The following SNTG2 variants were observed in gnomAD, a reference collection of about 807,000 sequenced individuals.
SNTG2 encodes the protein syntrophin gamma 2, also known as gamma-2-syntrophin.
In SNTG2, 74 loss-of-function variants were observed where a neutral mutation model predicts 70.9. The observed-to-expected ratio is 1.04, with a 90% confidence interval of 0.86 to 1.27. The LOEUF (loss-of-function observed/expected upper bound fraction) is 1.27, where lower values mean the gene tolerates loss of function less well. SNTG2 is among the 50% of genes most tolerant of loss of function. The pLI is 0.00. For synonymous variants in SNTG2, 278 were observed against 273.8 expected (o/e 1.02, Z -0.15); for missense variants, 717 against 690.7 (o/e 1.04, Z -0.43).
intron 1 of SNTG2, among the ~76,000 whole-genome samples, chr2:1,057,864 C>T (rs1244582385): frequency 6.6e-6 from 1 of 151,874 alleles, no homozygotes; most frequent in Non-Finnish European, 1.5e-5. Context: ...ATGGTGAGAC[C>T]CCATCTCTAC....
Position 1,247,530 on chromosome 2 carries a change from G to A in SNTG2, c.1005+87G>A, listed in dbSNP as rs1677505957. Reference sequence around the variant, plus strand: ...GGGAAAGCTACATCTGGTGTTTGGAGGAGGACAGACAGAGTGCTTGGTCCT... The same window carrying A: ...GGGAAAGCTACATCTGGTGTTTGGAAGAGGACAGACAGAGTGCTTGGTCCT... On this transcript the variant is annotated intron_variant, in intron 12 of 16. Coordinates refer to ENST00000308624, the MANE Select transcript of SNTG2 (RefSeq NM_018968.4). The A allele has an allele frequency of 3.2e-6, 3 of 931,582 alleles. No homozygotes were observed. The East Asian group carries it at 7.5e-5, about 23-fold the overall frequency. 57.7% of individuals were successfully genotyped at this position (931,582 alleles called of 1,614,324 possible).
intron 6 of SNTG2, among the ~76,000 whole-genome samples, chr2:1,164,861 G>A (rs1366999060): frequency 6.6e-6 from 1 of 152,238 alleles, no homozygotes; most frequent in African/African-American, 2.4e-5. Context: ...CAGCAGAGGA[G>A]GGTTATGCAT....
At chr2:1,224,243 A>G (rs933665248) in intron 9 of SNTG2, among the ~76,000 whole-genome samples, 1 of 152,172 alleles carries the variant, frequency 6.6e-6, no homozygotes, top group Non-Finnish European at 1.5e-5. Flanking sequence ...TCCACTGGGA[A>G]TTTGACCCCA....
chr2:956,573 C>G (rs1276682434), intron 1 of SNTG2, among the ~76,000 whole-genome samples: 1 of 152,244 alleles, frequency 6.6e-6, no homozygotes, highest in East Asian at 1.9e-4. Flanking sequence ...AGGACCCGCT[C>G]CCCCAGGGCC....
intron 12 of SNTG2, among the ~76,000 whole-genome samples, chr2:1,250,268 A>G (rs1485654222): frequency 6.6e-6 from 1 of 152,180 alleles, no homozygotes; most frequent in Non-Finnish European, 1.5e-5. Context: ...CATTTAAACT[A>G]TTTGAAAACA....
intron 15 of SNTG2, among the ~76,000 whole-genome samples, chr2:1,315,958 C>T (rs926584668): frequency 2.0e-5 from 3 of 152,084 alleles, no homozygotes; most frequent in Non-Finnish European, 4.4e-5. Flanking sequence ...CAAGGGAAGA[C>T]CAGAGGGGTC....
chr2:1,225,260 G>A lies in SNTG2; in HGVS notation c.720-12628G>A, dbSNP rs567957452. Among the ~76,000 whole-genome samples, 6 of 152,270 alleles carry A rather than the reference G, an allele frequency of 3.9e-5. No homozygotes were observed. In the South Asian group the frequency reaches 1.0e-3, roughly 26 times the overall value. ...TGCAGCATATAAAGTAATTTACACG[G>A]TGTTTATTACAAGGTGTGCAAGAAT... On this transcript the variant is annotated intron_variant, in intron 9 of 16. Transcript: ENST00000308624.
intron 1 of SNTG2, among the ~76,000 whole-genome samples, chr2:1,005,915 T>G (rs1247528877): frequency 2.4e-5 from 3 of 127,072 alleles, no homozygotes; most frequent in African/African-American, 8.9e-5. Flanking sequence ...TTTATATTAT[T>G]TAAACATTGG....
intron 9 of SNTG2, among the ~76,000 whole-genome samples, chr2:1,221,393 GTCTCTGTC>G (rs1674791662): frequency 2.1e-4 from 3 of 14,320 alleles, no homozygotes; most frequent in Non-Finnish European, 1.9e-4. Context: ...CCCTCCCTCT[GTCTCTGTC>G]CCTCTCAGTC....
At chr2:954,182 A>G (rs73908614) in intron 1 of SNTG2, among the ~76,000 whole-genome samples, 5,976 of 152,190 alleles carry the variant, frequency 0.039, 386 homozygotes, top group African/African-American at 0.14. Flanking sequence ...CATGGGGCGG[A>G]CACAGGCAGG....
intron 4 of SNTG2, among the ~76,000 whole-genome samples, chr2:1,124,072 G>T (rs1380914841): frequency 6.6e-6 from 1 of 152,064 alleles, no homozygotes; most frequent in Non-Finnish European, 1.5e-5. Flanking sequence ...GGCAAAGATA[G>T]CTTTTTAATA....
intron 4 of SNTG2, among the ~76,000 whole-genome samples, chr2:1,119,518 A>G (rs565462208): frequency 1.2e-4 from 18 of 152,208 alleles, no homozygotes; most frequent in African/African-American, 3.6e-4. Context: ...CGTGACATCA[A>G]GAACATAAAC....
At chr2:1,208,826 T>C (rs1232594976) in intron 8 of SNTG2, among the ~76,000 whole-genome samples, 1 of 152,182 alleles carries the variant, frequency 6.6e-6, no homozygotes, top group Non-Finnish European at 1.5e-5. Flanking sequence ...GTCTACAACT[T>C]TCCCTCCAGA....
chr2:1,312,098 G>A (rs1445731072), intron 15 of SNTG2, among the ~76,000 whole-genome samples: 7 of 152,012 alleles, frequency 4.6e-5, no homozygotes, highest in Non-Finnish European at 2.9e-5. Flanking sequence ...TTTCAATGTT[G>A]AGAAAGGAGG....
intron 6 of SNTG2, among the ~76,000 whole-genome samples, chr2:1,143,016 T>C (rs1240301670): frequency 1.3e-5 from 2 of 152,160 alleles, no homozygotes; most frequent in African/African-American, 4.8e-5. Flanking sequence ...GTCAGCATTG[T>C]CCTGCTAAAT....
chr2:1,325,199 T>C (rs1681710014), intron 16 of SNTG2, among the ~76,000 whole-genome samples: 1 of 152,074 alleles, frequency 6.6e-6, no homozygotes, highest in African/African-American at 2.4e-5. Flanking sequence ...CAAAAGAAAA[T>C]AGACTTTTAT....
intron 13 of SNTG2, among the ~76,000 whole-genome samples, chr2:1,262,348 C>T (rs1290463822): frequency 1.3e-5 from 2 of 152,130 alleles, no homozygotes; most frequent in Non-Finnish European, 2.9e-5. Context: ...AGGCTGGGCT[C>T]CATCCTTCCA....
At chr2:1,131,806 A>G (rs1040254387) in intron 4 of SNTG2, among the ~76,000 whole-genome samples, 14 of 151,824 alleles carry the variant, frequency 9.2e-5, no homozygotes, top group Non-Finnish European at 1.8e-4. Flanking sequence ...CGACGCCACC[A>G]CGCCCAGCTA....
chr2:1,120,124 G>T (rs1572490856), intron 4 of SNTG2, among the ~76,000 whole-genome samples: 1 of 151,940 alleles, frequency 6.6e-6, no homozygotes, highest in Non-Finnish European at 1.5e-5. Context: ...TGAGAAAATG[G>T]TATTGATCAT....
Sources: allele counts gnomAD v4.1 joint callset (sites outside exome capture counted in the v4.1 genomes callset), GRCh38; gene constraint gnomAD v4.1.1; transcripts MANE v1.5; gene names NCBI Gene and HGNC (gene_info 2026-07-23, HGNC 2026-07-21).